The following CDH11 variants were observed in gnomAD, a reference collection of about 807,000 sequenced individuals.
CDH11 encodes cadherin-11.
A neutral mutation model predicts 67.8 loss-of-function variants in CDH11; 11 were observed. The ratio of observed to expected loss-of-function variants is 0.16; its 90% CI spans 0.10 to 0.27. The LOEUF (loss-of-function observed/expected upper bound fraction) is 0.27. CDH11 is among the 10% of genes least tolerant of loss of function. The probability of loss-of-function intolerance (pLI) is 1.00; values close to 1 mark genes in which losing one functional copy is unlikely to be tolerated. For synonymous variants in CDH11, 419 were observed against 400.0 expected (o/e 1.05, Z -0.57); for missense variants, 847 against 1,031.2 (o/e 0.82, Z 2.45).
intron 1 of CDH11, among the ~76,000 whole-genome samples, chr16:65,104,968 A>C (rs778800250): frequency 5.3e-5 from 8 of 152,232 alleles, no homozygotes; most frequent in Non-Finnish European, 7.3e-5. Context: ...CGAAATATAA[A>C]GCCAAAAGAA....
intron 1 of CDH11, among the ~76,000 whole-genome samples, chr16:65,100,429 G>GA (rs1428185426): frequency 1.3e-5 from 2 of 151,988 alleles, no homozygotes; most frequent in Non-Finnish European, 2.9e-5. Flanking sequence ...TCCTTTTTCA[G>GA]AAAAACAAAA....
At chr16:65,046,183 C>A (rs538149129) in intron 2 of CDH11, among the ~76,000 whole-genome samples, 1 of 152,146 alleles carries the variant, frequency 6.6e-6, no homozygotes, top group African/African-American at 2.4e-5. Flanking sequence ...TTTGAGATGC[C>A]GTGTTGACTC....
chr16:65,104,860 A>G (rs1043728794), intron 1 of CDH11, among the ~76,000 whole-genome samples: 2 of 152,220 alleles, frequency 1.3e-5, no homozygotes, highest in Non-Finnish European at 2.9e-5. Context: ...AAGACAAGGA[A>G]GTACGTAAGC....
intron 1 of CDH11, among the ~76,000 whole-genome samples, chr16:65,086,405 T>C (rs975531693): frequency 2.6e-5 from 4 of 152,174 alleles, no homozygotes; most frequent in African/African-American, 9.7e-5. Context: ...ATTCTTAACA[T>C]ATCCTCAGAT....
chr16:65,029,708 A>G (rs2073604562), intron 2 of CDH11, among the ~76,000 whole-genome samples: 1 of 152,236 alleles, frequency 6.6e-6, no homozygotes, highest in South Asian at 2.1e-4. Flanking sequence ...GGATGAATGA[A>G]TAGCGTTAGA....
In CDH11 at chr16:65,122,020, C is replaced by T. The variant is rs2075341815; in HGVS notation, c.-438G>A. Reference sequence around the variant, plus strand: ...GCGAGCGGCCCCCGCGGCATCTGCTCCTCGGCCCGCGACGCTCCCCTCAGC... The same window carrying T: ...GCGAGCGGCCCCCGCGGCATCTGCTTCTCGGCCCGCGACGCTCCCCTCAGC... On this transcript the variant is annotated 5_prime_UTR_variant, in exon 1 of 13. Transcript: ENST00000268603. The T allele has an allele frequency of 1.4e-6, 1 of 697,670 alleles. No homozygotes were observed. The highest frequency in any genetic ancestry group is 2.6e-6 in the Non-Finnish European group (1 of 382,924). The allele number at this position is 697,670 out of a possible 1,614,324, so 43.2% of individuals were successfully genotyped here. A position where few individuals can be genotyped will look rare whatever the true frequency, so the allele number is the denominator to read the frequency against.
intron 1 of CDH11, among the ~76,000 whole-genome samples, chr16:65,065,419 T>C (rs923594305): frequency 1.3e-5 from 2 of 152,196 alleles, no homozygotes; most frequent in African/African-American, 2.4e-5. Flanking sequence ...ATGAAGGTCA[T>C]ATGCAAAGCT....
chr16:64,961,886 C>T (rs1338446758), intron 11 of CDH11, among the ~76,000 whole-genome samples: 1 of 152,038 alleles, frequency 6.6e-6, no homozygotes, highest in African/African-American at 2.4e-5. Context: ...AAAGGAAGTT[C>T]TGTCTCTCTC....
rs973656151 is a variant in CDH11, at chr16:65,121,725, C to T, written c.-298+155G>A. ...GATTTTTAAACAAATCTCTCCCTCC[C>T]TTTTGCTTTGCGTTAGTGAAGCCTT... On this transcript the variant is annotated intron_variant, in intron 1 of 12. Coordinates refer to ENST00000268603, the MANE Select transcript of CDH11 (RefSeq NM_001797.4). This position sits in a 1 kb window ranked among gnomAD's most constrained non-coding sequence, Gnocchi z 4.1. The T allele has an allele frequency of 1.2e-5, 8 of 668,320 alleles. No individual in the cohort carries two copies. The highest frequency in any genetic ancestry group is 2.2e-5 in the Non-Finnish European group (8 of 370,986). The allele number at this position is 668,320 out of a possible 1,614,324, so 41.4% of individuals were successfully genotyped here.
chr16:65,039,709 T>A (rs1438952276), intron 2 of CDH11, among the ~76,000 whole-genome samples: 2 of 151,896 alleles, frequency 1.3e-5, no homozygotes, highest in Admixed American at 6.6e-5. Context: ...AATTGACAAA[T>A]GGGATCTAAT....
chr16:64,966,444 C>T lies in CDH11; in HGVS notation c.1642+5135G>A, dbSNP rs1297982390. ...AAATAGTAATAAAATAAAAATAATG[C>T]GGAGAAAGCATCTGTCAGGTTTCAA... On this transcript the variant is annotated intron_variant, in intron 11 of 12. Coordinates refer to ENST00000268603, the MANE Select transcript of CDH11 (RefSeq NM_001797.4). Among the ~76,000 whole-genome samples, 5 of 67,952 alleles carry T rather than the reference C, an allele frequency of 7.4e-5. No homozygotes were observed. In the East Asian group the frequency reaches 0.039, roughly 531 times the overall value. 44.6% of individuals were successfully genotyped at this position (67,952 alleles called of 152,430 possible). A position where few individuals can be genotyped will look rare whatever the true frequency, so the allele number is the denominator to read the frequency against.
chr16:65,048,827 T>C (rs2074007107), intron 2 of CDH11, among the ~76,000 whole-genome samples: 1 of 151,964 alleles, frequency 6.6e-6, no homozygotes, highest in African/African-American at 2.4e-5. Flanking sequence ...GGCTGTATGG[T>C]ATATCACGAA....
intron 11 of CDH11, among the ~76,000 whole-genome samples, chr16:64,963,635 T>C (rs2071731367): frequency 6.6e-6 from 1 of 151,766 alleles, no homozygotes; most frequent in Non-Finnish European, 1.5e-5. Context: ...AAAAAGGAAG[T>C]CCCTACACCT....
upstream of CDH11, among the ~76,000 whole-genome samples, chr16:65,123,469 C>G (rs1370602698): frequency 3.9e-5 from 6 of 151,930 alleles, no homozygotes; most frequent in African/African-American, 7.2e-5. Context: ...GAAAAAGAGG[C>G]CGAAAACGGA....
chr16:65,067,850 T>G (rs1597153869), intron 1 of CDH11, among the ~76,000 whole-genome samples: 3 of 90,680 alleles, frequency 3.3e-5, no homozygotes, highest in South Asian at 3.6e-4. Context: ...GAGGATGAAT[T>G]GGAGAAAGGG....
chr16:65,118,058 C>A (rs2075271978), intron 1 of CDH11, among the ~76,000 whole-genome samples: 1 of 152,182 alleles, frequency 6.6e-6, no homozygotes, highest in African/African-American at 2.4e-5. Flanking sequence ...TGAATTCGGT[C>A]TCTCCTGAGA....
intron 4 of CDH11, among the ~76,000 whole-genome samples, 162 bp from the exon 5 acceptor site, chr16:64,993,196 ACCTTCCTTCCTTCCTT>A (rs71143543): frequency 2.0e-5 from 3 of 147,102 alleles, no homozygotes; most frequent in African/African-American, 7.5e-5. Flanking sequence ...CAGCCAACCA[ACCTTCCTTCCTTCCTT>A]CCTTCCTTCC....
intron 2 of CDH11, among the ~76,000 whole-genome samples, chr16:65,014,643 G>C (rs1039249423): frequency 6.6e-6 from 1 of 152,070 alleles, no homozygotes; most frequent in African/African-American, 2.4e-5. Flanking sequence ...TAGTTCAGGT[G>C]AGAGGTAATA....
intron 11 of CDH11, among the ~76,000 whole-genome samples, chr16:64,967,933 G>A (rs922207644): frequency 3.9e-5 from 6 of 152,088 alleles, no homozygotes; most frequent in Non-Finnish European, 5.9e-5. Flanking sequence ...GAAGAACCTT[G>A]TCCTGTTCTG....
Sources: gnomAD v4.1 joint callset for allele counts (sites outside exome capture counted in the v4.1 genomes callset) on GRCh38, gnomAD v4.1.1 for gene constraint, Gnocchi (gnomAD v3.1) non-coding constraint, MANE v1.5 for transcripts, NCBI Gene and HGNC (gene_info 2026-07-23, HGNC 2026-07-21) for gene names.